MTMR10: variants seen among roughly 807,000 people sequenced by gnomAD.
MTMR10 encodes the protein myotubularin-related protein 10.
Under a neutral mutation model 88.1 loss-of-function variants are expected in MTMR10, and 56 were observed. The observed-to-expected ratio is 0.64, with a 90% CI of 0.51 to 0.79. The LOEUF (loss-of-function observed/expected upper bound fraction) is 0.79. Ranked by LOEUF, MTMR10 falls within the 30% of genes least tolerant of loss-of-function variation. MTMR10 has a pLI of 0.00. For missense variants in MTMR10, 883 were observed against 924.7 expected, an observed-to-expected ratio of 0.95 and a Z score of 0.58; for synonymous variants, 380 against 340.9, an observed-to-expected ratio of 1.11 and a Z score of -1.26.
At chr15:30,950,766 A>C (rs1007095335) in intron 12 of MTMR10, among the ~76,000 whole-genome samples, 5 of 152,152 alleles carry the variant, frequency 3.3e-5, no homozygotes, top group African/African-American at 1.2e-4. Flanking sequence ...ATCCATGGGG[A>C]ACTCATTCCA....
chr15:30,942,282 T>G (rs1595904383), intron 15 of MTMR10: 1 of 634,768 alleles, frequency 1.6e-6, no homozygotes, highest in Non-Finnish European at 2.7e-6. Flanking sequence ...GCTGTTACTA[T>G]CAGCCTGAAT....
rs2030189586 is a variant in MTMR10, at chr15:30,976,831, T to C, written c.246A>G (p.Pro82=). The C allele has an allele frequency of 1.9e-6, 3 of 1,613,656 alleles. No individual in the cohort carries two copies. Among genetic ancestry groups the C allele is most frequent in the Non-Finnish European group, 2.5e-6 (3 of 1,179,760 alleles). ...NFKISFITDD[P]MPLQKFHYRN... The stretch of plus-strand genomic sequence containing the variant: ...TAATAAAACACACCTGTAATGGCAT[T>C]GGGTCATCTGTAATAAAGGAGATTT... The change falls in exon 3 of 16, where the codon CCA becomes CCG. Residue 82 remains proline (P), a synonymous_variant. Coordinates refer to ENST00000435680, the MANE Select transcript of MTMR10 (RefSeq NM_017762.3).
At chr15:30,987,768 T>G in intron 2 of MTMR10, among the ~76,000 whole-genome samples, 1 of 152,104 alleles carries the variant, frequency 6.6e-6, no homozygotes, top group East Asian at 1.9e-4. Flanking sequence ...GCCATGCTGG[T>G]TTGCTGCACC....
intron 15 of MTMR10, chr15:30,942,687 C>T (rs1318761507): frequency 2.6e-5 from 14 of 544,732 alleles, no homozygotes; most frequent in South Asian, 2.5e-4. Context: ...TGCCCACTCT[C>T]AGGTACTGAG....
At chr15:30,968,439 A>G (rs1221838244) in intron 5 of MTMR10, among the ~76,000 whole-genome samples, 1 of 152,146 alleles carries the variant, frequency 6.6e-6, no homozygotes, top group Non-Finnish European at 1.5e-5. Flanking sequence ...TCATGGATTT[A>G]AACATCTAAA....
intron 10 of MTMR10, among the ~76,000 whole-genome samples, chr15:30,954,170 C>G (rs890502528): frequency 1.3e-5 from 2 of 152,194 alleles, no homozygotes; most frequent in East Asian, 3.8e-4. Flanking sequence ...GCCCCTGCCC[C>G]GCCCCTGCAA....
rs767937926 is a variant in MTMR10, at chr15:30,941,478, C to CATTT, written c.2322_2325dup (p.Glu776LysfsTer2). ...TCAGAAAACACCCTATTTTAGTCTT[C>CATTT]ATTTGCTAATGTCTCAGTAGACAAC... is the stretch of plus-strand genomic sequence containing the variant. On this transcript the variant is annotated frameshift_variant, in exon 16 of 16. Transcript: ENST00000435680. LOFTEE classifies it high-confidence loss of function. 6.2e-7 allele frequency: 1 copy of CATTT among 1,603,884 alleles called. No homozygotes were observed. The highest frequency in any genetic ancestry group is 8.5e-7 in the Non-Finnish European group (1 of 1,174,636).
At chr15:30,950,787 TG>T (rs1177994155) in intron 12 of MTMR10, among the ~76,000 whole-genome samples, 3 of 152,236 alleles carry the variant, frequency 2.0e-5, no homozygotes, top group Admixed American at 2.0e-4. Flanking sequence ...GGGCCTCCTT[TG>T]GATACCAAGA....
At position 30,940,110 on chromosome 15, in the gene MTMR10, CA is replaced by C. The variant is rs1595897877; in HGVS notation, c.*1359del. 1.0e-6 allele frequency: 1 copy of C among 985,082 alleles called. No individual in the cohort carries two copies. The highest frequency in any genetic ancestry group is 1.1e-4 in the East Asian group (1 of 8,822). 61.0% of individuals were successfully genotyped at this position (985,082 alleles called of 1,614,324 possible). ...TAGACACTTTACTATAAAAATTTTC[CA>C]TATCTTAGGATGGCAGTTTAAGAAA... On this transcript the variant is annotated 3_prime_UTR_variant, in exon 16 of 16. Coordinates refer to ENST00000435680, the MANE Select transcript of MTMR10 (RefSeq NM_017762.3).
intron 2 of MTMR10, among the ~76,000 whole-genome samples, chr15:30,978,414 G>A (rs994093440): frequency 3.9e-5 from 6 of 152,172 alleles, no homozygotes; most frequent in East Asian, 1.9e-4. Flanking sequence ...ATCACTTCAT[G>A]ACACTTGGTT....
the MTMR10 span, among the ~76,000 whole-genome samples, chr15:30,924,059 T>C: frequency 2.0e-4 from 30 of 152,214 alleles, no homozygotes; most frequent in Admixed American, 7.2e-4. Context: ...TAAATGTGCC[T>C]GTTCATTTCA....
the MTMR10 span, chr15:30,928,672 T>C: frequency 6.2e-7 from 1 of 1,613,670 alleles, no homozygotes; most frequent in Non-Finnish European, 8.5e-7. Context: ...CCAGTGCCCC[T>C]GCCCCACGAG....
At chr15:30,972,742 T>C (rs924034769) in intron 5 of MTMR10, among the ~76,000 whole-genome samples, 4 of 152,166 alleles carry the variant, frequency 2.6e-5, no homozygotes, top group African/African-American at 9.7e-5. Flanking sequence ...TTACCCTTCT[T>C]TCTACTTGCA....
At chr15:30,962,232 C>T (rs2063411381) in intron 6 of MTMR10, among the ~76,000 whole-genome samples, 1 of 152,190 alleles carries the variant, frequency 6.6e-6, no homozygotes, top group South Asian at 2.1e-4. Context: ...TCAAGAGTGC[C>T]TGCAAAGTGA....
rs547019418 is a variant in MTMR10 at position 30,981,009 on chromosome 15, A to G, written c.122-4054T>C. Among the ~76,000 whole-genome samples, 12 of 152,376 alleles carry G rather than the reference A, an allele frequency of 7.9e-5. No individual in the cohort carries two copies. In the South Asian group the frequency reaches 2.3e-3, roughly 29 times the overall value. On this transcript the variant is annotated intron_variant, in intron 2 of 15. Transcript: ENST00000435680. ...GTAGGAGGAATAAGGAAACAAAATC[A>G]TGATTAGAACATTACAGTAAAGATC...
At chr15:30,990,675 T>C (rs2031254960) in intron 2 of MTMR10, 102 bp downstream of exon 2, 4 of 971,408 alleles carry the variant, frequency 4.1e-6, no homozygotes, top group Admixed American at 5.3e-5. Context: ...GGAGAAAGTT[T>C]AATGAGAGAA....
chr15:30,958,822 A>G (rs1426081610), intron 9 of MTMR10, 41 bp downstream of exon 9: 5 of 1,590,656 alleles, frequency 3.1e-6, no homozygotes, highest in Non-Finnish European at 4.3e-6. Context: ...TTACACAACA[A>G]GTAAAACTAT....
chr15:30,991,545 A>T lies in MTMR10; in HGVS notation c.-39T>A. On this transcript the variant is annotated 5_prime_UTR_variant, in exon 1 of 16. Transcript: ENST00000435680. Reference sequence around the variant, plus strand: ...TTTCGCCCCGTTCCCGTCGCGGGCCAGTGGCAGCGCCGACGCCTCCGGGCG... The same window carrying T: ...TTTCGCCCCGTTCCCGTCGCGGGCCTGTGGCAGCGCCGACGCCTCCGGGCG... The T allele has an allele frequency of 6.5e-7, 1 of 1,532,828 alleles. No homozygotes were observed. Among genetic ancestry groups the T allele is most frequent in the Non-Finnish European group, 8.7e-7 (1 of 1,147,808 alleles). The allele number at this position is 1,532,828 out of a possible 1,614,324, so 95.0% of individuals were successfully genotyped here.
downstream of MTMR10, among the ~76,000 whole-genome samples, chr15:30,935,658 C>A (rs1284899569): frequency 6.6e-6 from 1 of 152,122 alleles, no homozygotes; most frequent in Non-Finnish European, 1.5e-5. Context: ...TTGAATCAGT[C>A]CCCCATGGAT....
Sources: gnomAD v4.1 joint callset for allele counts (sites outside exome capture counted in the v4.1 genomes callset) on GRCh38, gnomAD v4.1.1 for gene constraint, MANE v1.5 for transcripts, NCBI Gene and HGNC (gene_info 2026-07-23, HGNC 2026-07-21) for gene names.